The following GNG7 variants were observed in gnomAD, a reference collection of about 807,000 sequenced individuals.
The protein encoded by GNG7 is guanine nucleotide-binding protein G(I)/G(S)/G(O) subunit gamma-7.
GNG7 carries 1 observed loss-of-function variant against 4.0 expected under a neutral mutation model. The observed-to-expected ratio is 0.25, with a 90% CI of 0.09 to 1.18. The LOEUF (loss-of-function observed/expected upper bound fraction) is 1.18, where lower values mean the gene tolerates loss of function less well. Among genes scored for constraint, GNG7 ranks in the 50% most tolerant of loss-of-function variants. The pLI is 0.50. For synonymous variants in GNG7, 34 were observed against 36.9 expected, an observed-to-expected ratio of 0.92 and a Z score of 0.29; for missense variants, 86 against 91.9, an observed-to-expected ratio of 0.94 and a Z score of 0.26.
chr19:2,679,817 C>A (rs533597944), intron 1 of GNG7, among the ~76,000 whole-genome samples: 9 of 152,194 alleles, frequency 5.9e-5, no homozygotes, highest in African/African-American at 1.4e-4. Flanking sequence ...CCAGGTAGCA[C>A]CTTCCTAAAT....
intron 1 of GNG7, among the ~76,000 whole-genome samples, chr19:2,660,875 G>A (rs888279682): frequency 1.3e-5 from 2 of 152,152 alleles, no homozygotes; most frequent in African/African-American, 4.8e-5. Context: ...CATGTTGTGG[G>A]GAAATGCAGG....
chr19:2,594,759 T>C (rs1270989965), intron 2 of GNG7, among the ~76,000 whole-genome samples: 2 of 152,122 alleles, frequency 1.3e-5, no homozygotes, highest in Admixed American at 1.3e-4. Context: ...TGCTCCATGA[T>C]TATCAACAAT....
intron 2 of GNG7, chr19:2,595,120 A>G (rs896324787): frequency 1.7e-4 from 17 of 101,582 alleles, no homozygotes; most frequent in African/African-American, 5.3e-4. Context: ...ACCCTGTCTC[A>G]AAAGAAATTA....
At chr19:2,539,844 T>TCCTC (rs1023113623) in intron 3 of GNG7, among the ~76,000 whole-genome samples, 53 of 102,456 alleles carry the variant, frequency 5.2e-4, no homozygotes, top group Admixed American at 1.4e-3. Flanking sequence ...CTCTCCTTTC[T>TCCTC]CCTTCCTGCC....
At chr19:2,555,746 G>T (rs947255901) in intron 2 of GNG7, among the ~76,000 whole-genome samples, 1 of 152,164 alleles carries the variant, frequency 6.6e-6, no homozygotes, top group African/African-American at 2.4e-5. Flanking sequence ...TCAATAGGAA[G>T]GAAAGAACGT....
At chr19:2,660,509 G>T (rs567233899) in intron 1 of GNG7, among the ~76,000 whole-genome samples, 3 of 152,070 alleles carry the variant, frequency 2.0e-5, no homozygotes, top group Non-Finnish European at 2.9e-5. Flanking sequence ...GGTGGCTCAC[G>T]CCTGTGATCC....
chr19:2,685,824 A>G (rs1406734777), intron 1 of GNG7, among the ~76,000 whole-genome samples: 1 of 152,076 alleles, frequency 6.6e-6, no homozygotes, highest in East Asian at 1.9e-4. Flanking sequence ...TTGAACACCC[A>G]GCGACACCCT....
intron 3 of GNG7, among the ~76,000 whole-genome samples, chr19:2,528,482 C>G (rs1391923942): frequency 2.7e-5 from 4 of 145,942 alleles, no homozygotes; most frequent in African/African-American, 1.0e-4. Context: ...ACTCAGGAGG[C>G]TGAGGCAGGA....
chr19:2,691,560 A>T (rs1053363756), intron 1 of GNG7, among the ~76,000 whole-genome samples: 1 of 151,484 alleles, frequency 6.6e-6, no homozygotes, highest in African/African-American at 2.4e-5. Context: ...AATAAAAATT[A>T]AAAAAATAAT....
chr19:2,538,961 C>T (rs1978849166), intron 3 of GNG7, among the ~76,000 whole-genome samples: 3 of 151,824 alleles, frequency 2.0e-5, no homozygotes, highest in Admixed American at 1.3e-4. Context: ...TTAGTAGAGA[C>T]AGGGTTTCAC....
At chr19:2,643,755 C>G (rs1982584627) in intron 2 of GNG7, 1 of 409,360 alleles carries the variant, frequency 2.4e-6, no homozygotes, top group South Asian at 1.8e-5. Context: ...CGCTAATCTT[C>G]AAGCGCACAT....
Position 2,568,622 on chromosome 19 carries a change from TAC to T in GNG7, c.-77-13436_-77-13435del, listed in dbSNP as rs555068006. On this transcript the variant is annotated intron_variant, in intron 2 of 4. Coordinates refer to ENST00000382159, the MANE Select transcript of GNG7 (RefSeq NM_052847.3). ...ATAGACATACACACATATATACACA[TAC>T]ACACATATATACACATATACACAAA... Among the ~76,000 whole-genome samples, 5 of 148,748 alleles carry T rather than the reference TAC, an allele frequency of 3.4e-5. No homozygotes were observed. The East Asian group carries it at 6.0e-4, about 18-fold the overall frequency.
At chr19:2,667,101 C>T (rs1426533444) in intron 1 of GNG7, among the ~76,000 whole-genome samples, 2 of 151,998 alleles carry the variant, frequency 1.3e-5, no homozygotes, top group Non-Finnish European at 2.9e-5. Context: ...GGGTGGATCA[C>T]TTGAGGTCAG....
At chr19:2,637,428 T>C (rs1982345994) in intron 2 of GNG7, among the ~76,000 whole-genome samples, 2 of 151,884 alleles carry the variant, frequency 1.3e-5, no homozygotes, top group South Asian at 4.2e-4. Flanking sequence ...AGCCTCGCTC[T>C]CCTCCCCGTC....
intron 2 of GNG7, among the ~76,000 whole-genome samples, chr19:2,607,819 A>C (rs1981438331): frequency 6.6e-6 from 1 of 152,060 alleles, no homozygotes; most frequent in East Asian, 1.9e-4. Context: ...AGTAGCCTGC[A>C]GTGTCAGCAC....
chr19:2,549,789 G>A (rs2144755894), intron 3 of GNG7, among the ~76,000 whole-genome samples: 1 of 152,308 alleles, frequency 6.6e-6, no homozygotes, highest in East Asian at 1.9e-4. Flanking sequence ...GGGGGTGAGG[G>A]CGGGGGTGAC....
intron 1 of GNG7, among the ~76,000 whole-genome samples, chr19:2,687,795 G>A (rs933343167): frequency 1.3e-4 from 19 of 151,392 alleles, no homozygotes; most frequent in Non-Finnish European, 2.1e-4. Context: ...CCAACACGGC[G>A]AAACCCCATC....
intron 2 of GNG7, among the ~76,000 whole-genome samples, chr19:2,574,604 A>G (rs149536318): frequency 2.0e-5 from 3 of 152,210 alleles, no homozygotes; most frequent in East Asian, 3.9e-4. Flanking sequence ...GTCTGGTTGG[A>G]CCATGCTGTG....
intron 2 of GNG7, among the ~76,000 whole-genome samples, chr19:2,574,870 C>T (rs72974895): frequency 0.087 from 13,197 of 152,126 alleles, 834 homozygotes; most frequent in African/African-American, 0.17. Context: ...CGCTCTTGTC[C>T]GAAACCGCAC....
Sources: gnomAD v4.1 joint callset for allele counts (sites outside exome capture counted in the v4.1 genomes callset) on GRCh38, gnomAD v4.1.1 for gene constraint, MANE v1.5 for transcripts, NCBI Gene and HGNC (gene_info 2026-07-23, HGNC 2026-07-21) for gene names.